TTC34: variants seen among roughly 807,000 people sequenced by gnomAD.
TTC34 encodes tetratricopeptide repeat domain 34, also known as tetratricopeptide repeat protein 34.
TTC34 carries 44 observed loss-of-function variants against 40.7 expected under a neutral mutation model. The observed-to-expected ratio is 1.08, with a 90% confidence interval of 0.85 to 1.39. TTC34 has a LOEUF of 1.39. Ranked by LOEUF, TTC34 falls within the 40% of genes most tolerant of loss-of-function variation. TTC34 has a pLI of 0.00. For synonymous variants in TTC34, 422 were observed against 398.6 expected (o/e 1.06, Z -0.70); for missense variants, 884 against 838.0 (o/e 1.05, Z -0.68).
intron 2 of TTC34, among the ~76,000 whole-genome samples, chr1:2,792,466 C>T (rs1643673821): frequency 6.6e-6 from 1 of 152,152 alleles, no homozygotes; most frequent in Non-Finnish European, 1.5e-5. Flanking sequence ...TTCCCACACA[C>T]CAGGCATGAT....
chr1:2,653,226 A>G (rs1299817282), intron 6 of TTC34, among the ~76,000 whole-genome samples: 36 of 90,236 alleles, frequency 4.0e-4, no homozygotes, highest in Admixed American at 5.1e-4. Context: ...AACATCTGAC[A>G]GACTGGAACA....
At chr1:2,692,075 A>G (rs150259531) in intron 6 of TTC34, among the ~76,000 whole-genome samples, 1,177 of 9,532 alleles carry the variant, frequency 0.12, no homozygotes, top group Middle Eastern at 0.42. Flanking sequence ...CCCCAGGTGA[A>G]CATCCGACAG....
intron 6 of TTC34, among the ~76,000 whole-genome samples, chr1:2,688,430 G>T (rs559787895): frequency 4.5e-5 from 5 of 110,454 alleles, no homozygotes; most frequent in African/African-American, 1.7e-4. Flanking sequence ...GCATCCGACA[G>T]CCTGGAGCAG....
chr1:2,686,705 C>T (rs1355473940), intron 6 of TTC34, among the ~76,000 whole-genome samples: 10 of 147,812 alleles, frequency 6.8e-5, no homozygotes, highest in African/African-American at 2.3e-4. Flanking sequence ...ACGTGACAGC[C>T]TGGAACAGCA....
intron 2 of TTC34, among the ~76,000 whole-genome samples, chr1:2,790,566 A>T (rs913392471): frequency 2.0e-5 from 3 of 152,134 alleles, no homozygotes; most frequent in Non-Finnish European, 4.4e-5. Context: ...CAGGTTGAGA[A>T]CCGTGCTGGG....
Position 2,645,587 on chromosome 1 carries a change from G to GCCC in TTC34, c.2227-25_2227-24insGGG. The stretch of plus-strand genomic sequence containing the variant: ...TCCTGCAAGGAGGGAGGGCGGGCGG[G>GCCC]TGCAGAGTTGTCCTAAGTAGAGAAA... On this transcript the variant is annotated intron_variant, in intron 6 of 8. Coordinates refer to ENST00000401095, the Ensembl canonical transcript of TTC34. The surrounding 1 kb of genome is among the most constrained non-coding windows in gnomAD (Gnocchi z 4.7). The GCCC allele has an allele frequency of 6.5e-5, 15 of 229,494 alleles. No homozygotes were observed. Among genetic ancestry groups the GCCC allele is most frequent in the East Asian group, 1.3e-4 (1 of 7,780 alleles). 14.2% of individuals were successfully genotyped at this position (229,494 alleles called of 1,614,324 possible). A position where few individuals can be genotyped will look rare whatever the true frequency, so the allele number is the denominator to read the frequency against.
chr1:2,660,303 C>CTCAAA (rs1639498561), intron 6 of TTC34, among the ~76,000 whole-genome samples: 1 of 141,556 alleles, frequency 7.1e-6, no homozygotes, highest in Non-Finnish European at 1.6e-5. Context: ...TGGAACAGCA[C>CTCAAA]CCTGCACCCC....
intron 3 of TTC34, among the ~76,000 whole-genome samples, chr1:2,789,110 C>A (rs1281876123): frequency 2.0e-5 from 3 of 152,044 alleles, no homozygotes; most frequent in African/African-American, 4.8e-5. Context: ...ACAAAACAAA[C>A]CAACCCCAGG....
At chr1:2,787,287 A>G (rs1337740740) in intron 4 of TTC34, among the ~76,000 whole-genome samples, 194 bp downstream of exon 4, 2 of 152,252 alleles carry the variant, frequency 1.3e-5, no homozygotes, top group South Asian at 2.1e-4. Context: ...AACCCATGGG[A>G]CCAGGACCCA....
chr1:2,779,288 A>C (rs1408254468), intron 6 of TTC34, among the ~76,000 whole-genome samples: 1 of 152,014 alleles, frequency 6.6e-6, no homozygotes, highest in African/African-American at 2.4e-5. Context: ...ATGTAGACCC[A>C]GATGTGGAAT....
intron 6 of TTC34, among the ~76,000 whole-genome samples, chr1:2,750,821 C>T (rs1210848299): frequency 7.6e-6 from 1 of 131,374 alleles, no homozygotes; most frequent in Non-Finnish European, 1.6e-5. Context: ...AGGCGAGCAT[C>T]TGACAGCCTG....
At chr1:2,747,996 A>C in intron 6 of TTC34, among the ~76,000 whole-genome samples, 1 of 55,456 alleles carries the variant, frequency 1.8e-5, no homozygotes. Flanking sequence ...AGCAGCACCC[A>C]CACCCCAGGT....
At chr1:2,699,474 G>C (rs1330333992) in intron 6 of TTC34, among the ~76,000 whole-genome samples, 7 of 104,224 alleles carry the variant, frequency 6.7e-5, no homozygotes, top group African/African-American at 2.2e-4. Flanking sequence ...GCATCTGACA[G>C]CCTGGAGCAG....
At chr1:2,695,784 C>T (rs1569624886) in intron 6 of TTC34, among the ~76,000 whole-genome samples, 3 of 148,604 alleles carry the variant, frequency 2.0e-5, no homozygotes, top group Admixed American at 6.8e-5. Context: ...CAGGCTGGAG[C>T]AGCACGCACA....
chr1:2,778,164 G>T (rs1412791280), intron 6 of TTC34, among the ~76,000 whole-genome samples: 1 of 152,236 alleles, frequency 6.6e-6, no homozygotes, highest in Non-Finnish European at 1.5e-5. Context: ...GCCTCTGGAG[G>T]CTGTCGTCCT....
chr1:2,798,074 T>C (rs1000406123), intron 2 of TTC34, among the ~76,000 whole-genome samples: 73 of 102,824 alleles, frequency 7.1e-4, no homozygotes, highest in African/African-American at 1.0e-3. Context: ...CTCAGCCTCT[T>C]AGCCCCTCAG....
intron 6 of TTC34, among the ~76,000 whole-genome samples, chr1:2,746,748 CTG>C (rs1569679435): frequency 5.6e-4 from 27 of 48,426 alleles, no homozygotes; most frequent in Non-Finnish European, 7.6e-4. Flanking sequence ...GAACAGCACC[CTG>C]CACCCCCAGG....
chr1:2,691,786 C>T (rs538443971), intron 6 of TTC34, among the ~76,000 whole-genome samples: 4 of 93,222 alleles, frequency 4.3e-5, no homozygotes, highest in African/African-American at 1.1e-4. Context: ...ACCCACACCC[C>T]CAGGCGAGCA....
At chr1:2,681,612 A>G in intron 6 of TTC34, among the ~76,000 whole-genome samples, 1 of 63,918 alleles carries the variant, frequency 1.6e-5, no homozygotes, top group Non-Finnish European at 3.4e-5. Context: ...GACAGCCTGG[A>G]ACCGCAGCCA....
Sources: allele counts gnomAD v4.1 joint callset (sites outside exome capture counted in the v4.1 genomes callset), GRCh38; gene constraint gnomAD v4.1.1; non-coding constraint Gnocchi (gnomAD v3.1); transcripts MANE v1.5; gene names NCBI Gene and HGNC (gene_info 2026-07-23, HGNC 2026-07-21).